NEDD9: variants seen among roughly 807,000 people sequenced by gnomAD.
NEDD9 encodes neural precursor cell expressed, developmentally down-regulated 9, also known as enhancer of filamentation 1.
In NEDD9, 26 loss-of-function variants were observed where a neutral mutation model predicts 76.6. The ratio of observed to expected loss-of-function variants is 0.34; its 90% CI spans 0.25 to 0.47. The LOEUF is 0.47. NEDD9 is among the 20% of genes least tolerant of loss of function. NEDD9 has a pLI of 1.00. For synonymous variants in NEDD9, 392 were observed against 414.2 expected, an observed-to-expected ratio of 0.95 and a Z score of 0.65; for missense variants, 937 against 1,058.5, an observed-to-expected ratio of 0.89 and a Z score of 1.59.
intron 3 of NEDD9, among the ~76,000 whole-genome samples, chr6:11,193,258 C>T (rs1432764421): frequency 6.6e-6 from 1 of 150,630 alleles, no homozygotes; most frequent in Admixed American, 6.6e-5. Context: ...TTGCAGTGAG[C>T]TGAGATAGAG....
intron 2 of NEDD9, among the ~76,000 whole-genome samples, chr6:11,203,975 TAAA>T (rs59959052): frequency 6.7e-5 from 10 of 149,364 alleles, no homozygotes; most frequent in African/African-American, 2.5e-4. Context: ...ATCTTTTCTT[TAAA>T]AAAAAAAAAA....
At position 11,305,290 on chromosome 6, in the gene NEDD9, A is replaced by C. The variant is rs375763370; in HGVS notation, c.12+702T>G. On this transcript the variant is annotated intron_variant, in intron 3 of 3. Coordinates refer to the NEDD9 transcript ENST00000397378. ...AACAATCTTCCTGTCACCATTTTATAAACACAGAAACAGAGATTCAAAAGG... is the reference window on the plus strand; with the variant it reads ...AACAATCTTCCTGTCACCATTTTATCAACACAGAAACAGAGATTCAAAAGG... 20 of 462,632 alleles carry C rather than the reference A, an allele frequency of 4.3e-5. No individual in the cohort carries two copies. The East Asian group carries it at 7.9e-4, about 18-fold the overall frequency. The allele number at this position is 462,632 out of a possible 1,614,324, so 28.7% of individuals were successfully genotyped here.
intron 1 of NEDD9, among the ~76,000 whole-genome samples, chr6:11,338,646 G>A (rs1293008816): frequency 2.0e-5 from 3 of 152,112 alleles, no homozygotes; most frequent in Non-Finnish European, 4.4e-5. Context: ...AAATTAGGCT[G>A]AGCGCAGTGG....
intron 2 of NEDD9, among the ~76,000 whole-genome samples, chr6:11,317,094 G>T (rs1027445083): frequency 1.3e-5 from 2 of 152,212 alleles, no homozygotes; most frequent in Non-Finnish European, 2.9e-5. Flanking sequence ...AGAGCTGGCA[G>T]TTAAAGCAAG....
At chr6:11,236,340 T>G (rs9368620), upstream of NEDD9, among the ~76,000 whole-genome samples, 31,977 of 152,034 alleles carry the variant, frequency 0.21, 3,826 homozygotes, top group Non-Finnish European at 0.28. The surrounding 1 kb of genome is among the most constrained non-coding windows in gnomAD (Gnocchi z 5.5). Flanking sequence ...CAGATGCTTG[T>G]GCAGGCAGGA....
intron 3 of NEDD9, chr6:11,305,023 A>T: frequency 8.4e-7 from 1 of 1,188,570 alleles, no homozygotes; most frequent in Non-Finnish European, 1.1e-6. Flanking sequence ...TCCTTTTGTT[A>T]CTTATCAAAT....
At chr6:11,215,047 C>T (rs538613291) in intron 1 of NEDD9, among the ~76,000 whole-genome samples, 5 of 152,304 alleles carry the variant, frequency 3.3e-5, no homozygotes, top group Admixed American at 2.6e-4. Flanking sequence ...TTGCACTACT[C>T]GCGTCCCCTT....
In NEDD9 at chr6:11,196,471, T is replaced by A. The variant is rs78002229; in HGVS notation, c.460-2779A>T. Among the ~76,000 whole-genome samples the A allele has an allele frequency of 4.3e-3, 662 of 152,282 alleles. 6 individuals carry two copies. The highest frequency in any genetic ancestry group is 0.015 in the African/African-American group (604 of 41,554). ...TAAAGTGTTTCCTTGCCTTTGTGGATCTTCCCTGGCAGAAAGCGCTAATGC... is the reference window on the plus strand; with the variant it reads ...TAAAGTGTTTCCTTGCCTTTGTGGAACTTCCCTGGCAGAAAGCGCTAATGC... On this transcript the variant is annotated intron_variant, in intron 2 of 6. Coordinates refer to ENST00000379446, the MANE Select transcript of NEDD9 (RefSeq NM_006403.4).
chr6:11,315,171 C>T (rs1761512786), intron 2 of NEDD9, among the ~76,000 whole-genome samples: 1 of 152,234 alleles, frequency 6.6e-6, no homozygotes, highest in African/African-American at 2.4e-5. Flanking sequence ...GACTTGTCTT[C>T]CTTAGCAACT....
chr6:11,370,982 G>A lies in NEDD9; in HGVS notation c.-214+11157C>T, dbSNP rs1350012829. On this transcript the variant is annotated intron_variant, in intron 1 of 3. Transcript: ENST00000397378. The surrounding 1 kb of genome is among the most constrained non-coding windows in gnomAD (Gnocchi z 4.2). ...CCCAGAGCTGAATGAGGAAGGGGACGGAGCCTGGCAGGGATCTCCCAGAAG... is the reference window on the plus strand; with the variant it reads ...CCCAGAGCTGAATGAGGAAGGGGACAGAGCCTGGCAGGGATCTCCCAGAAG... Among the ~76,000 whole-genome samples, 1 of 152,146 alleles carries A rather than the reference G, an allele frequency of 6.6e-6. No individual in the cohort carries two copies. Among genetic ancestry groups the A allele is most frequent in the Non-Finnish European group, 1.5e-5 (1 of 68,022 alleles).
At chr6:11,202,621 A>G (rs931815344) in intron 2 of NEDD9, among the ~76,000 whole-genome samples, 2 of 152,322 alleles carry the variant, frequency 1.3e-5, no homozygotes, top group Middle Eastern at 6.8e-3. Flanking sequence ...ATTCTCTGTA[A>G]ATTCATTCTG....
intron 3 of NEDD9, chr6:11,258,657 T>G (rs1760051534): frequency 6.6e-6 from 1 of 152,182 alleles, no homozygotes. Context: ...TCTAGCTCTT[T>G]CCTTCAAGTG....
In NEDD9 at chr6:11,185,602, G is replaced by C. The variant is rs779547110; in HGVS notation, c.2065C>G (p.Pro689Ala). 11 of 1,614,058 alleles carry C rather than the reference G, an allele frequency of 6.8e-6. No homozygotes were observed. The South Asian group carries it at 9.9e-5, about 14-fold the overall frequency. The change falls in exon 7 of 7, where the codon CCC (proline) becomes GCC (alanine). Residue 689 changes from proline to alanine, a missense_variant. Transcript: ENST00000379446. ...TTTGTGGTGGGTAGGCTCTGAGAGG[G>C]CTTCCACTTCGAGATGTCATTCTCC... ...PVENDISKWK[P>A]SQSLPTTNSG...
intron 1 of NEDD9, among the ~76,000 whole-genome samples, chr6:11,358,240 C>G (rs995697142): frequency 1.9e-5 from 2 of 102,650 alleles, no homozygotes; most frequent in Non-Finnish European, 3.6e-5. Context: ...CAGAGCAAGA[C>G]TCCGTCAAAA....
chr6:11,190,608 C>G lies in NEDD9; in HGVS notation c.1261G>C (p.Glu421Gln). ...GCCATTAGGCTGGAGACACCCATCT[C>G]AAGGGCCTGCTGGAGCCGCTGAAGT... ...ERLQRLQQAL[E>Q]MGVSSLMALV... Residue 421 changes from glutamate to glutamine, a missense_variant, in exon 5 of 7, where the codon GAG becomes CAG. By Grantham distance (29) the Glu-to-Gln change is conservative. Transcript: ENST00000379446. This position sits in a 1 kb window ranked among gnomAD's most constrained non-coding sequence, Gnocchi z 5.8. The G allele has an allele frequency of 1.2e-6, 2 of 1,614,218 alleles. No individual in the cohort carries two copies. The highest frequency in any genetic ancestry group is 2.2e-5 in the East Asian group (1 of 44,882).
At chr6:11,326,749 T>C (rs1761936875) in intron 2 of NEDD9, among the ~76,000 whole-genome samples, 1 of 152,194 alleles carries the variant, frequency 6.6e-6, no homozygotes, top group African/African-American at 2.4e-5. Context: ...TGGGCTTGCC[T>C]GGGGCCCAGC....
At chr6:11,301,979 T>G (rs972712254) in intron 3 of NEDD9, among the ~76,000 whole-genome samples, 7 of 151,878 alleles carry the variant, frequency 4.6e-5, no homozygotes, top group African/African-American at 1.7e-4. Flanking sequence ...AGCAAACAAA[T>G]TCAACAGCTA....
chr6:11,196,941 A>C (rs1758308960), intron 2 of NEDD9, among the ~76,000 whole-genome samples: 1 of 152,066 alleles, frequency 6.6e-6, no homozygotes, highest in Admixed American at 6.5e-5. Context: ...CTCTCCTCGG[A>C]GGAAAAGTGC....
chr6:11,185,482 G>A lies in NEDD9; in HGVS notation c.2185C>T (p.Leu729Phe). The A allele has an allele frequency of 6.2e-7, 1 of 1,614,254 alleles. No homozygotes were observed. Among genetic ancestry groups the A allele is most frequent in the Non-Finnish European group, 8.5e-7 (1 of 1,180,040 alleles). ...TGGGCTGAGCTGACACAACTGAAGA[G>A]TGCGTCAATGGCGTTGAGAAGGGAA... ...FISLLNAIDALFSCVSSAQPP... is the reference protein window; with the variant it reads ...FISLLNAIDAFFSCVSSAQPP... Residue 729 changes from leucine (L) to phenylalanine (F), a missense_variant, in exon 7 of 7, where the codon CTC becomes TTC. Leu to Phe is a conservative substitution (Grantham distance 22). Transcript: ENST00000379446.
Sources: gnomAD v4.1 joint callset for allele counts (sites outside exome capture counted in the v4.1 genomes callset) on GRCh38, gnomAD v4.1.1 for gene constraint, Gnocchi (gnomAD v3.1) non-coding constraint, MANE v1.5 for transcripts, NCBI Gene and HGNC (gene_info 2026-07-23, HGNC 2026-07-21) for gene names.